PTPRN2: variants seen among roughly 807,000 people sequenced by gnomAD.
PTPRN2 encodes protein tyrosine phosphatase receptor type N2, also known as receptor-type tyrosine-protein phosphatase N2.
A neutral mutation model predicts 118.8 loss-of-function variants in PTPRN2; 74 were observed. That is an observed-to-expected ratio of 0.62 (90% CI 0.52 to 0.76). The LOEUF (loss-of-function observed/expected upper bound fraction) is 0.76, where lower values mean the gene tolerates loss of function less well. PTPRN2 is among the 30% of genes least tolerant of loss of function. The pLI is 0.00. For missense variants in PTPRN2, 1,481 were observed against 1,394.4 expected (o/e 1.06, Z -0.99); for synonymous variants, 641 against 608.0 (o/e 1.05, Z -0.80).
chr7:158,050,238 A>G (rs551446170), intron 11 of PTPRN2, among the ~76,000 whole-genome samples: 33 of 152,352 alleles, frequency 2.2e-4, no homozygotes, highest in African/African-American at 7.7e-4. Context: ...CCTTTTGTAG[A>G]TTATTCATGT....
chr7:157,873,617 A>G (rs1811263038), intron 12 of PTPRN2, among the ~76,000 whole-genome samples: 1 of 83,892 alleles, frequency 1.2e-5, no homozygotes, highest in Non-Finnish European at 2.3e-5. Context: ...AGGAGAACGT[A>G]CTGTCCTCAA....
intron 11 of PTPRN2, among the ~76,000 whole-genome samples, chr7:157,961,532 C>CAA (rs66472051): frequency 6.9e-5 from 9 of 131,032 alleles, no homozygotes; most frequent in African/African-American, 1.3e-4. Flanking sequence ...GACTCTGTCT[C>CAA]AAAAAAAAAA....
intron 11 of PTPRN2, among the ~76,000 whole-genome samples, chr7:158,060,610 C>T (rs567220522): frequency 6.6e-6 from 1 of 152,224 alleles, no homozygotes; most frequent in African/African-American, 2.4e-5. Context: ...CCAAATAAGG[C>T]CAAATCCACA....
intron 1 of PTPRN2, among the ~76,000 whole-genome samples, chr7:158,562,241 C>T (rs1258883067): frequency 6.6e-6 from 1 of 152,136 alleles, no homozygotes; most frequent in South Asian, 2.1e-4. Context: ...GACGCCTTCT[C>T]GCCATGGTCT....
chr7:157,965,790 G>A (rs1194557032), intron 11 of PTPRN2, among the ~76,000 whole-genome samples: 1 of 152,148 alleles, frequency 6.6e-6, no homozygotes, highest in Non-Finnish European at 1.5e-5. Flanking sequence ...CTTATTTTAT[G>A]ACTTTCTGAA....
At chr7:158,444,386 G>C (rs1237772647) in intron 2 of PTPRN2, among the ~76,000 whole-genome samples, 2 of 152,218 alleles carry the variant, frequency 1.3e-5, no homozygotes, top group Non-Finnish European at 2.9e-5. Context: ...CCCCACCCAC[G>C]GCCAGTGTTT....
At chr7:157,963,638 T>C (rs1235638604) in intron 11 of PTPRN2, among the ~76,000 whole-genome samples, 1 of 152,334 alleles carries the variant, frequency 6.6e-6, no homozygotes, top group Non-Finnish European at 1.5e-5. Context: ...CAGGCCACAG[T>C]TCGGGCCTGG....
rs1798679870 is a variant in PTPRN2 at position 158,273,538 on chromosome 7, G to GGGGAGCCGCAGACACA, written c.277+43265_277+43280dup. ...CAGACATGGGAGGAGCCGCAGACAC[G>GGGGAGCCGCAGACACA]GGGAGCCGCAGACACAGGGGGAGCC... On this transcript the variant is annotated intron_variant, in intron 3 of 22. Transcript: ENST00000389418. Among the ~76,000 whole-genome samples, 20 of 111,854 alleles carry GGGGAGCCGCAGACACA rather than the reference G, an allele frequency of 1.8e-4. 1 individual carries two copies. The South Asian group carries it at 3.1e-3, about 17-fold the overall frequency. 73.4% of individuals were successfully genotyped at this position (111,854 alleles called of 152,430 possible).
intron 14 of PTPRN2, among the ~76,000 whole-genome samples, chr7:157,653,652 G>A (rs923387311): frequency 1.3e-5 from 2 of 152,128 alleles, no homozygotes; most frequent in East Asian, 3.9e-4. Flanking sequence ...TGCCCACCAG[G>A]AGACCCCGCA....
Position 158,006,447 on chromosome 7 carries a change from G to A in PTPRN2, c.1723+74851C>T, listed in dbSNP as rs574799567. On this transcript the variant is annotated intron_variant, in intron 11 of 22. Transcript: ENST00000389418. Reference sequence around the variant, plus strand: ...AACCCAGAAACACAGCTGACCTCCTGCCATCCTGAGCCTCACAAGCTTGCT... The same window carrying A: ...AACCCAGAAACACAGCTGACCTCCTACCATCCTGAGCCTCACAAGCTTGCT... Among the ~76,000 whole-genome samples, 95 of 152,314 alleles carry A rather than the reference G, an allele frequency of 6.2e-4. 1 individual carries two copies. Among genetic ancestry groups the A allele is most frequent in the African/African-American group, 2.2e-3 (91 of 41,586 alleles).
chr7:158,001,802 C>T (rs1805282357), intron 11 of PTPRN2, among the ~76,000 whole-genome samples: 3 of 152,206 alleles, frequency 2.0e-5, no homozygotes, highest in East Asian at 1.9e-4. Flanking sequence ...CATGAGTCTG[C>T]GTGACTGGCT....
rs1335813735 is a variant in PTPRN2 at position 158,440,958 on chromosome 7, G to T, written c.163+48777C>A. Among the ~76,000 whole-genome samples, 3 of 149,784 alleles carry T rather than the reference G, an allele frequency of 2.0e-5. 1 individual carries two copies. Among genetic ancestry groups the T allele is most frequent in the African/African-American group, 7.6e-5 (3 of 39,656 alleles). ...TGGTGGTGGTGATGATGGTGATGGG[G>T]TAGTAGTGGTGTTGGTGGTAGTGGT... On this transcript the variant is annotated intron_variant, in intron 2 of 22. Coordinates refer to ENST00000389418, the MANE Select transcript of PTPRN2 (RefSeq NM_002847.5).
chr7:157,701,261 A>T (rs1040959430), intron 12 of PTPRN2, among the ~76,000 whole-genome samples: 23 of 152,336 alleles, frequency 1.5e-4, no homozygotes, highest in African/African-American at 5.3e-4. Flanking sequence ...CATGTTTCAC[A>T]GGGGAGAGCT....
At position 158,341,363 on chromosome 7, in the gene PTPRN2, T is replaced by C. The variant is rs1376779254; in HGVS notation, c.164-24431A>G. Among the ~76,000 whole-genome samples the C allele has an allele frequency of 7.7e-3, 902 of 117,406 alleles. 6 individuals carry two copies. Among genetic ancestry groups the C allele is most frequent in the African/African-American group, 0.029 (798 of 27,390 alleles). 77.0% of individuals were successfully genotyped at this position (117,406 alleles called of 152,430 possible). A position where few individuals can be genotyped will look rare whatever the true frequency, so the allele number is the denominator to read the frequency against. ...CACTCTCACCATAAGAGGTAACACA[T>C]GCAGACGTCACTCACACCCACACTC... On this transcript the variant is annotated intron_variant, in intron 2 of 22. Transcript: ENST00000389418.
At chr7:158,258,126 C>T (rs376285196) in intron 3 of PTPRN2, among the ~76,000 whole-genome samples, 11 of 152,218 alleles carry the variant, frequency 7.2e-5, no homozygotes, top group South Asian at 2.1e-4. Context: ...CAAGCGGGCA[C>T]GTAAGAACAG....
chr7:157,826,947 G>A (rs545890737), intron 12 of PTPRN2, among the ~76,000 whole-genome samples: 1 of 152,056 alleles, frequency 6.6e-6, no homozygotes, highest in Non-Finnish European at 1.5e-5. Context: ...ATACTGACCC[G>A]GCTCCTGCAC....
At chr7:158,402,926 A>C (rs1813061957) in intron 2 of PTPRN2, among the ~76,000 whole-genome samples, 1 of 152,188 alleles carries the variant, frequency 6.6e-6, no homozygotes, top group African/African-American at 2.4e-5. Flanking sequence ...TCAGAAAAGA[A>C]AAGCCTCCTC....
chr7:158,390,598 G>A (rs771582666), intron 2 of PTPRN2, among the ~76,000 whole-genome samples: 5 of 152,160 alleles, frequency 3.3e-5, no homozygotes, highest in Admixed American at 6.5e-5. Flanking sequence ...CCGAGTGGCC[G>A]CAATGCTGCT....
chr7:158,460,650 T>C (rs1415262556), intron 2 of PTPRN2, among the ~76,000 whole-genome samples: 1 of 152,220 alleles, frequency 6.6e-6, no homozygotes, highest in Non-Finnish European at 1.5e-5. Context: ...TGTCCGGAAA[T>C]GAAAACTCAC....
Sources: allele counts gnomAD v4.1 joint callset (sites outside exome capture counted in the v4.1 genomes callset), GRCh38; gene constraint gnomAD v4.1.1; transcripts MANE v1.5; gene names NCBI Gene and HGNC (gene_info 2026-07-23, HGNC 2026-07-21).